RAB38: variants seen among roughly 807,000 people sequenced by gnomAD.
RAB38 encodes the protein ras-related protein Rab-38.
A neutral mutation model predicts 18.4 loss-of-function variants in RAB38; 15 were observed. The ratio of observed to expected loss-of-function variants is 0.82; its 90% CI spans 0.55 to 1.26. RAB38 has a LOEUF of 1.26. Ranked by LOEUF, RAB38 falls within the 50% of genes most tolerant of loss-of-function variation. RAB38 has a pLI of 0.00. For synonymous variants in RAB38, 101 were observed against 104.4 expected, an observed-to-expected ratio of 0.97 and a Z score of 0.20; for missense variants, 294 against 267.4, an observed-to-expected ratio of 1.10 and a Z score of -0.69.
chr11:87,914,522 G>C, the RAB38 span, among the ~76,000 whole-genome samples: 3 of 152,256 alleles, frequency 2.0e-5, no homozygotes, highest in Non-Finnish European at 2.9e-5. Context: ...AAATGACCTA[G>C]AGGTAGAATT....
the RAB38 span, among the ~76,000 whole-genome samples, chr11:88,016,931 C>G: frequency 2.0e-5 from 3 of 151,998 alleles, no homozygotes; most frequent in Non-Finnish European, 4.4e-5. Context: ...GAACCCACAG[C>G]AGGATGGATT....
At chr11:87,927,944 T>C in the RAB38 span, among the ~76,000 whole-genome samples, 2 of 151,794 alleles carry the variant, frequency 1.3e-5, no homozygotes, top group African/African-American at 4.8e-5. Context: ...TAGGTGTGGT[T>C]GTGCAAACCT....
At chr11:87,861,172 A>G in the RAB38 span, among the ~76,000 whole-genome samples, 1 of 151,936 alleles carries the variant, frequency 6.6e-6, no homozygotes, top group African/African-American at 2.4e-5. Flanking sequence ...TTGCATGGAA[A>G]AAGGCCATCT....
chr11:88,163,513 C>A (rs1246273630), intron 1 of RAB38, among the ~76,000 whole-genome samples: 1 of 152,110 alleles, frequency 6.6e-6, no homozygotes, highest in Admixed American at 6.6e-5. Context: ...CAATGGCTCT[C>A]ATTTTACCCT....
At chr11:88,091,355 G>A in the RAB38 span, among the ~76,000 whole-genome samples, 1 of 152,016 alleles carries the variant, frequency 6.6e-6, no homozygotes, top group South Asian at 2.1e-4. Flanking sequence ...GATCTCACAT[G>A]AGGTGATGGT....
intron 2 of RAB38, among the ~76,000 whole-genome samples, chr11:88,132,350 C>A (rs139408318): frequency 2.0e-5 from 3 of 152,150 alleles, no homozygotes; most frequent in African/African-American, 4.8e-5. Flanking sequence ...TGGGTACATA[C>A]CTCAAGACTT....
chr11:88,135,197 CAT>C (rs1255530661), intron 2 of RAB38, among the ~76,000 whole-genome samples: 2 of 152,202 alleles, frequency 1.3e-5, no homozygotes, highest in Non-Finnish European at 2.9e-5. Flanking sequence ...CTATATCCCA[CAT>C]GTTACATATG....
At chr11:88,025,007 C>T in the RAB38 span, among the ~76,000 whole-genome samples, 10,926 of 151,752 alleles carry the variant, frequency 0.072, 628 homozygotes, top group African/African-American at 0.14. Context: ...TAGAAATAAC[C>T]AGAAGAGTAT....
At chr11:87,828,463 C>T in the RAB38 span, among the ~76,000 whole-genome samples, 1 of 152,156 alleles carries the variant, frequency 6.6e-6, no homozygotes, top group Non-Finnish European at 1.5e-5. Context: ...CTAATCTGTA[C>T]TGCAGACAAT....
At chr11:88,094,919 A>C in the RAB38 span, among the ~76,000 whole-genome samples, 2 of 150,716 alleles carry the variant, frequency 1.3e-5, no homozygotes. Context: ...TTCTCCTCTC[A>C]CTCTCTTCTT....
chr11:87,837,645 A>G, the RAB38 span, among the ~76,000 whole-genome samples: 1 of 151,474 alleles, frequency 6.6e-6, no homozygotes, highest in Non-Finnish European at 1.5e-5. Flanking sequence ...CAAATATCAA[A>G]TGAGTCAAGC....
chr11:87,831,209 T>A, the RAB38 span, among the ~76,000 whole-genome samples: 1 of 152,198 alleles, frequency 6.6e-6, no homozygotes, highest in Non-Finnish European at 1.5e-5. Flanking sequence ...CTTAACTGCT[T>A]AATTTTTTAG....
the RAB38 span, among the ~76,000 whole-genome samples, chr11:87,803,957 G>C: frequency 6.6e-6 from 1 of 152,206 alleles, no homozygotes; most frequent in Admixed American, 6.5e-5. Flanking sequence ...TGATCTGATA[G>C]TTACTTTGCA....
the RAB38 span, among the ~76,000 whole-genome samples, chr11:87,934,895 G>T: frequency 2.6e-5 from 4 of 152,074 alleles, no homozygotes; most frequent in Non-Finnish European, 5.9e-5. Context: ...ATGGGGCAGC[G>T]ATGAGATGGG....
the RAB38 span, among the ~76,000 whole-genome samples, chr11:87,851,684 G>C: frequency 6.6e-6 from 1 of 152,150 alleles, no homozygotes; most frequent in Non-Finnish European, 1.5e-5. Flanking sequence ...ACTCATATGA[G>C]GTTGAAGTTG....
chr11:87,940,741 T>C, the RAB38 span, among the ~76,000 whole-genome samples: 1 of 152,158 alleles, frequency 6.6e-6, no homozygotes, highest in Non-Finnish European at 1.5e-5. Flanking sequence ...CCTCCTGGGA[T>C]CAACTGATTA....
At chr11:88,106,253 A>G in the RAB38 span, among the ~76,000 whole-genome samples, 2 of 152,172 alleles carry the variant, frequency 1.3e-5, no homozygotes, top group African/African-American at 2.4e-5. Context: ...CAAGTGACTT[A>G]CTTAATGCAC....
chr11:88,175,408 G>T lies in RAB38; in HGVS notation c.-24C>A. On this transcript the variant is annotated 5_prime_UTR_variant, in exon 1 of 3. Transcript: ENST00000243662. ...ATCCTGGCGGCCGGCCAGACGTGCC[G>T]TGCCTGACCAGGGAAGCGCAGCCTG... 1.2e-6 allele frequency: 2 copies of T among 1,613,366 alleles called. No homozygotes were observed. Among genetic ancestry groups the T allele is most frequent in the Admixed American group, 1.7e-5 (1 of 60,020 alleles).
the RAB38 span, among the ~76,000 whole-genome samples, chr11:88,064,727 T>G: frequency 6.6e-6 from 1 of 152,254 alleles, no homozygotes; most frequent in South Asian, 2.1e-4. Flanking sequence ...TGAGCTATTA[T>G]GTACATGAAA....
Sources: allele counts gnomAD v4.1 joint callset (sites outside exome capture counted in the v4.1 genomes callset), GRCh38; gene constraint gnomAD v4.1.1; transcripts MANE v1.5; gene names NCBI Gene and HGNC (gene_info 2026-07-23, HGNC 2026-07-21).